The following ZNF300 variants were observed in gnomAD, a reference collection of about 807,000 sequenced individuals.
ZNF300 encodes the protein kruppel-like zinc finger protein.
Under a neutral mutation model 13.9 loss-of-function variants are expected in ZNF300, and 6 were observed. The ratio of observed to expected loss-of-function variants is 0.43; its 90% confidence interval spans 0.24 to 0.85. ZNF300 has a LOEUF of 0.85. Among genes scored for constraint, ZNF300 ranks in the 40% least tolerant of loss-of-function variants. The pLI is 0.25. For synonymous variants in ZNF300, 237 were observed against 242.2 expected (o/e 0.98, Z 0.20); for missense variants, 662 against 714.2 (o/e 0.93, Z 0.83).
rs1397067781 is a variant in ZNF300 at position 150,894,683 on chromosome 5, T to A, written c.*741A>T. 1 of 151,874 alleles carries A rather than the reference T, an allele frequency of 6.6e-6. No homozygotes were observed. Among genetic ancestry groups the A allele is most frequent in the African/African-American group, 2.4e-5 (1 of 41,056 alleles). 9.4% of individuals were successfully genotyped at this position (151,874 alleles called of 1,614,324 possible). ...AGCTCTGCATTGTATTTGTACTTAC[T>A]GATAAAAAATACTCAGCTAGGAGAA... On this transcript the variant is annotated 3_prime_UTR_variant, in exon 6 of 6. Coordinates refer to ENST00000274599, the MANE Select transcript of ZNF300 (RefSeq NM_052860.4).
Position 150,895,869 on chromosome 5 carries a change from A to C in ZNF300, c.1370T>G (p.Leu457Ter). 3 of 1,612,984 alleles carry C rather than the reference A, an allele frequency of 1.9e-6. No individual in the cohort carries two copies. Among genetic ancestry groups the C allele is most frequent in the Non-Finnish European group, 2.5e-6 (3 of 1,179,666 alleles). Residue 457 changes from leucine to a stop codon, truncating the protein, a stop_gained, in exon 6 of 6, where the codon TTA becomes TGA. Transcript: ENST00000274599. LOFTEE classifies it low-confidence loss of function (END_TRUNC). The stretch of plus-strand genomic sequence containing the variant: ...ATAAGGTTTTTCCCCAGTATGAACT[A>C]ACTGATGTGTAATGAGTTCTGTCTT... The part of the protein sequence containing the change: ...SRKTELITHQ[L>*]VHTGEKPYEC...
chr5:150,896,952 T>C lies in ZNF300; in HGVS notation c.287A>G (p.Asn96Ser). The C allele has an allele frequency of 3.1e-6, 5 of 1,610,892 alleles. No homozygotes were observed. The highest frequency in any genetic ancestry group is 4.2e-6 in the Non-Finnish European group (5 of 1,178,664). Reference sequence around the variant, plus strand: ...TGTCCCCAAAATACATGACTGGGAGTTGTGAAGGTTACTCTTCCTGTCTAA... The same window carrying C: ...TGTCCCCAAAATACATGACTGGGAGCTGTGAAGGTTACTCTTCCTGTCTAA... ...GRQDRKSNLH[N>S]SQSCILGTVS... Residue 96 changes from asparagine to serine, a missense_variant, in exon 6 of 6, where the codon AAC (asparagine) becomes AGC (serine). By Grantham distance (46) the Asn-to-Ser change is conservative. Transcript: ENST00000274599.
In ZNF300 at chr5:150,896,347, C is replaced by T; in HGVS notation, c.892G>A (p.Asp298Asn). The change falls in exon 6 of 6, where the codon GAT becomes AAT. Residue 298 changes from aspartate to asparagine, a missense_variant. Asp to Asn is a conservative substitution (Grantham distance 23, BLOSUM62 1). Coordinates refer to ENST00000274599, the MANE Select transcript of ZNF300 (RefSeq NM_052860.4). ...QRIHTGKKPY[D>N]CGACGKAFSE... ...AAGGCTTTTCCGCATGCACCACAAT[C>T]ATATGGTTTCTTTCCAGTATGAATT... 1 of 1,613,628 alleles carries T rather than the reference C, an allele frequency of 6.2e-7. No homozygotes were observed. Among genetic ancestry groups the T allele is most frequent in the South Asian group, 1.1e-5 (1 of 91,044 alleles).
At position 150,895,161 on chromosome 5, in the gene ZNF300, A is replaced by T. The variant is rs1754709194; in HGVS notation, c.*263T>A. On this transcript the variant is annotated 3_prime_UTR_variant, in exon 6 of 6. Transcript: ENST00000274599. The stretch of plus-strand genomic sequence containing the variant: ...TAGTATAAGGAATATGCAACTTGAC[A>T]ATATTCTGTATGCTTAACTTGCTGT... 1 of 338,030 alleles carries T rather than the reference A, an allele frequency of 3.0e-6. No homozygotes were observed. The highest frequency in any genetic ancestry group is 4.6e-5 in the East Asian group (1 of 21,672). 20.9% of individuals were successfully genotyped at this position (338,030 alleles called of 1,614,324 possible).
In ZNF300 at chr5:150,898,149, ACT is replaced by A; in HGVS notation, c.176_177del (p.Lys59IlefsTer22). On this transcript the variant is annotated frameshift_variant, in exon 5 of 6. Coordinates refer to ENST00000274599, the MANE Select transcript of ZNF300 (RefSeq NM_052860.4). LOFTEE classifies it high-confidence loss of function. ...ATCCATGGCTCTTCTCCTTGTTCCA[ACT>A]TGGAGATGACATCTGGTTTGGAAAC... ...YPVSKPDVIS[K>X]LEQGEEPWII... 1.2e-6 allele frequency: 2 copies of A among 1,613,600 alleles called. No individual in the cohort carries two copies. Among genetic ancestry groups the A allele is most frequent in the Non-Finnish European group, 1.7e-6 (2 of 1,179,710 alleles).
At chr5:150,901,198 A>G (rs2113028899) in intron 3 of ZNF300, among the ~76,000 whole-genome samples, 1 of 152,210 alleles carries the variant, frequency 6.6e-6, no homozygotes, top group South Asian at 2.1e-4. Flanking sequence ...TGGGCTAAGT[A>G]AAAAATCCAT....
At chr5:150,898,023 C>CCAAT in intron 5 of ZNF300, 39 bp downstream of exon 5, 1 of 1,594,244 alleles carries the variant, frequency 6.3e-7, no homozygotes, top group Non-Finnish European at 8.5e-7. Flanking sequence ...ACCTCAGGCA[C>CCAAT]CAATCAATTA....
intron 1 of ZNF300, among the ~76,000 whole-genome samples, chr5:150,904,182 T>C (rs1386898833): frequency 6.6e-6 from 1 of 152,148 alleles, no homozygotes; most frequent in Non-Finnish European, 1.5e-5. Flanking sequence ...CCATCAGAAA[T>C]GCTTAGTGGG....
intron 3 of ZNF300, among the ~76,000 whole-genome samples, chr5:150,899,684 A>G (rs550184765): frequency 1.3e-5 from 2 of 152,154 alleles, no homozygotes; most frequent in Admixed American, 6.6e-5. Flanking sequence ...CATAACATCA[A>G]AAATGAATTT....
chr5:150,897,629 T>C (rs1754841129), intron 5 of ZNF300: 1 of 167,056 alleles, frequency 6.0e-6, no homozygotes, highest in African/African-American at 2.4e-5. Flanking sequence ...TTCAGCCTCA[T>C]CAGCATTTAT....
chr5:150,904,628 A>C (rs562454802), intron 1 of ZNF300, 76 bp downstream of exon 1: 1 of 152,162 alleles, frequency 6.6e-6, no homozygotes, highest in Admixed American at 6.6e-5. Flanking sequence ...TACTTCCCCC[A>C]CCAGTGATTT....
rs754611688 is a variant in ZNF300 at position 150,896,132 on chromosome 5, A to G, written c.1107T>C (p.Ile369=). 2.5e-6 allele frequency: 4 copies of G among 1,613,270 alleles called. No homozygotes were observed. The highest frequency in any genetic ancestry group is 3.4e-6 in the Non-Finnish European group (4 of 1,179,696). The change falls in exon 6 of 6, where the codon ATT becomes ATC. Residue 369 remains isoleucine (I), a synonymous_variant. Transcript: ENST00000274599. ...CCCCAGTATGTATTCTCTGATGTAT[A>G]ATGAGGGGTGATTTCTGGGAGAAGG... ...GKAFSQKSPL[I]IHQRIHTGEK...
Position 150,896,877 on chromosome 5 carries a change from A to G in ZNF300, c.362T>C (p.Leu121Ser). The G allele has an allele frequency of 1.9e-6, 3 of 1,613,652 alleles. No individual in the cohort carries two copies. Among genetic ancestry groups the G allele is most frequent in the South Asian group, 2.2e-5 (2 of 91,074 alleles). ...TTGACAGACTTTTAAAATGGAGCAC[A>G]ATGAACCATCCCTTGTGACTCCTTT... is the stretch of plus-strand genomic sequence containing the variant. ...ILKGVTRDGS[L>S]CSILKVCQGD... The change falls in exon 6 of 6, where the codon TTG (leucine) becomes TCG (serine). Residue 121 changes from leucine to serine, a missense_variant. By Grantham distance (145) the Leu-to-Ser change is moderately radical. Coordinates refer to ENST00000274599, the MANE Select transcript of ZNF300 (RefSeq NM_052860.4).
intron 3 of ZNF300, among the ~76,000 whole-genome samples, chr5:150,899,684 A>C (rs550184765): frequency 6.6e-6 from 1 of 152,272 alleles, no homozygotes; most frequent in East Asian, 1.9e-4. Context: ...CATAACATCA[A>C]AAATGAATTT....
At chr5:150,902,188 A>T (rs1171580013) in intron 3 of ZNF300, among the ~76,000 whole-genome samples, 1 of 152,196 alleles carries the variant, frequency 6.6e-6, no homozygotes, top group Non-Finnish European at 1.5e-5. Context: ...GAAAGAAAAA[A>T]TAATACAAAC....
In ZNF300 at chr5:150,896,119, T is replaced by C. The variant is rs866561860; in HGVS notation, c.1120A>G (p.Ile374Val). 1 of 1,613,408 alleles carries C rather than the reference T, an allele frequency of 6.2e-7. No individual in the cohort carries two copies. The highest frequency in any genetic ancestry group is 8.5e-7 in the Non-Finnish European group (1 of 1,179,724). ...QKSPLIIHQR[I>V]HTGEKPYECR... ...TCATAGGGTTTTTCCCCAGTATGTA[T>C]TCTCTGATGTATAATGAGGGGTGAT... The change falls in exon 6 of 6, where the codon ATA (isoleucine) becomes GTA (valine). Residue 374 changes from isoleucine to valine, a missense_variant. By Grantham distance (29) the Ile-to-Val change is conservative. Coordinates refer to ENST00000274599, the MANE Select transcript of ZNF300 (RefSeq NM_052860.4).
chr5:150,898,316 T>C (rs537969297), intron 4 of ZNF300, 112 bp downstream of exon 4: 3 of 1,593,082 alleles, frequency 1.9e-6, no homozygotes, highest in African/African-American at 2.7e-5. Flanking sequence ...TTTGCAAAGG[T>C]ATGAAGGTCA....
intron 5 of ZNF300, chr5:150,897,649 A>C (rs1754841885): frequency 5.7e-6 from 1 of 175,636 alleles, no homozygotes; most frequent in Non-Finnish European, 1.2e-5. Context: ...TGTCATTCAG[A>C]GCAGTTACAG....
chr5:150,898,049 A>T lies in ZNF300; in HGVS notation c.265+13T>A. 1.2e-6 allele frequency: 2 copies of T among 1,605,096 alleles called. No homozygotes were observed. The highest frequency in any genetic ancestry group is 1.7e-6 in the Non-Finnish European group (2 of 1,177,180). ...CAATCAATTAAAAAAACATAAATTGATATTTCACTTCCCTTGTCTCCCATC... is the reference window on the plus strand; with the variant it reads ...CAATCAATTAAAAAAACATAAATTGTTATTTCACTTCCCTTGTCTCCCATC... On this transcript the variant is annotated intron_variant, in intron 5 of 5. Coordinates refer to ENST00000274599, the MANE Select transcript of ZNF300 (RefSeq NM_052860.4).
Sources: allele counts gnomAD v4.1 joint callset (sites outside exome capture counted in the v4.1 genomes callset), GRCh38; gene constraint gnomAD v4.1.1; transcripts MANE v1.5; gene names NCBI Gene and HGNC (gene_info 2026-07-23, HGNC 2026-07-21).